ZNRF2: variants seen among roughly 807,000 people sequenced by gnomAD.
ZNRF2 encodes the protein zinc and ring finger 2.
A neutral mutation model predicts 20.4 loss-of-function variants in ZNRF2; 16 were observed. The ratio of observed to expected loss-of-function variants is 0.79; its 90% CI spans 0.53 to 1.19. The LOEUF is 1.19. Among genes scored for constraint, ZNRF2 ranks in the 50% most tolerant of loss-of-function variants. The probability of loss-of-function intolerance (pLI) is 0.00; values close to 1 mark genes in which losing one functional copy is unlikely to be tolerated. For synonymous variants in ZNRF2, 178 were observed against 144.9 expected, an observed-to-expected ratio of 1.23 and a Z score of -1.64; for missense variants, 363 against 332.4, an observed-to-expected ratio of 1.09 and a Z score of -0.72.
intron 3 of ZNRF2, 26 bp downstream of exon 3, chr7:30,355,859 G>GT: frequency 1.9e-6 from 3 of 1,553,950 alleles, no homozygotes; most frequent in Non-Finnish European, 2.7e-6. Flanking sequence ...TGGTATTAGA[G>GT]TAAAAGATTG....
chr7:30,363,282 T>C (rs1230768378), intron 4 of ZNRF2, among the ~76,000 whole-genome samples: 1 of 152,196 alleles, frequency 6.6e-6, no homozygotes, highest in African/African-American at 2.4e-5. Context: ...TATTATCATG[T>C]GCCAGGTGTT....
chr7:30,337,246 T>TA (rs1480802364), intron 2 of ZNRF2, among the ~76,000 whole-genome samples: 3 of 152,236 alleles, frequency 2.0e-5, no homozygotes, highest in Non-Finnish European at 4.4e-5. Flanking sequence ...GTAAGGCTTT[T>TA]AGCCTTATAT....
At position 30,291,959 on chromosome 7, in the gene ZNRF2, A is replaced by G. The variant is rs569323651; in HGVS notation, c.469+6133A>G. On this transcript the variant is annotated intron_variant, in intron 1 of 4. Coordinates refer to ENST00000323037, the MANE Select transcript of ZNRF2 (RefSeq NM_147128.4). ...AAACCTGGGTTTTTTTTTAATTATA[A>G]AAATAATACCTGTTCACTAGAGAAA... Among the ~76,000 whole-genome samples, 3 of 152,286 alleles carry G rather than the reference A, an allele frequency of 2.0e-5. No individual in the cohort carries two copies. In the South Asian group the frequency reaches 6.2e-4, roughly 32 times the overall value.
At chr7:30,297,074 C>A (rs1799031665) in intron 1 of ZNRF2, among the ~76,000 whole-genome samples, 1 of 152,144 alleles carries the variant, frequency 6.6e-6, no homozygotes. Context: ...CACTTGGCTG[C>A]TTTTCTTTTC....
intron 1 of ZNRF2, among the ~76,000 whole-genome samples, chr7:30,310,342 T>G (rs1799272792): frequency 6.6e-6 from 1 of 152,230 alleles, no homozygotes; most frequent in South Asian, 2.1e-4. Flanking sequence ...TTTTCTTTCC[T>G]CTTTTGAAAC....
intron 2 of ZNRF2, among the ~76,000 whole-genome samples, chr7:30,338,238 AATT>A (rs1407194974): frequency 6.6e-6 from 1 of 150,876 alleles, no homozygotes; most frequent in Non-Finnish European, 1.5e-5. Flanking sequence ...TATTTTTGGT[AATT>A]ATTTGCCAGA....
At chr7:30,350,654 A>G (rs903708200) in intron 2 of ZNRF2, among the ~76,000 whole-genome samples, 1 of 152,064 alleles carries the variant, frequency 6.6e-6, no homozygotes, top group Non-Finnish European at 1.5e-5. Context: ...AGATAACTTA[A>G]TATCTGAAAG....
intron 2 of ZNRF2, among the ~76,000 whole-genome samples, chr7:30,328,914 G>A (rs902154086): frequency 2.6e-5 from 4 of 152,288 alleles, no homozygotes; most frequent in African/African-American, 7.2e-5. Flanking sequence ...GAATGCCACA[G>A]TGAGTATTCA....
intron 1 of ZNRF2, among the ~76,000 whole-genome samples, chr7:30,318,922 G>A (rs1314215153): frequency 6.6e-6 from 1 of 152,030 alleles, no homozygotes; most frequent in Non-Finnish European, 1.5e-5. Context: ...GACGAACCTG[G>A]CCAACATGGC....
At chr7:30,342,057 T>C (rs1263999762) in intron 2 of ZNRF2, among the ~76,000 whole-genome samples, 2 of 151,942 alleles carry the variant, frequency 1.3e-5, no homozygotes, top group Non-Finnish European at 2.9e-5. Flanking sequence ...GCTTTTTTTT[T>C]TTTTTTGCTT....
At chr7:30,289,625 C>G (rs1798860491) in intron 1 of ZNRF2, among the ~76,000 whole-genome samples, 2 of 152,276 alleles carry the variant, frequency 1.3e-5, no homozygotes, top group South Asian at 2.1e-4. Flanking sequence ...CTTGTAATTT[C>G]ATACCTTCGT....
intron 2 of ZNRF2, among the ~76,000 whole-genome samples, chr7:30,328,750 T>G (rs1375094475): frequency 6.6e-6 from 1 of 152,138 alleles, no homozygotes; most frequent in African/African-American, 2.4e-5. Context: ...GAAGAAGAAA[T>G]TGGCTGACTA....
At chr7:30,322,771 C>T (rs984038747) in intron 1 of ZNRF2, among the ~76,000 whole-genome samples, 21 of 152,168 alleles carry the variant, frequency 1.4e-4, no homozygotes, top group African/African-American at 5.1e-4. Flanking sequence ...TTCCAAACAG[C>T]TTAGTGGTGT....
At chr7:30,343,389 A>G (rs1799827029) in intron 2 of ZNRF2, among the ~76,000 whole-genome samples, 1 of 152,142 alleles carries the variant, frequency 6.6e-6, no homozygotes, top group Non-Finnish European at 1.5e-5. Flanking sequence ...TGTTTCAAAA[A>G]AAGGTCTTTA....
At chr7:30,320,562 A>G (rs187080152) in intron 1 of ZNRF2, among the ~76,000 whole-genome samples, 16 of 152,284 alleles carry the variant, frequency 1.1e-4, no homozygotes, top group Non-Finnish European at 1.8e-4. Context: ...TTTCAGGGCT[A>G]GCAATATTCA....
intron 2 of ZNRF2, among the ~76,000 whole-genome samples, chr7:30,338,599 A>G (rs1799752458): frequency 1.3e-5 from 2 of 152,148 alleles, no homozygotes; most frequent in African/African-American, 4.8e-5. Flanking sequence ...TGCAAAGGAC[A>G]TGAAGTCATC....
chr7:30,363,313 A>G (rs1224367281), intron 4 of ZNRF2, among the ~76,000 whole-genome samples: 2 of 152,192 alleles, frequency 1.3e-5, no homozygotes, highest in Non-Finnish European at 2.9e-5. Context: ...TTTTACATCT[A>G]TTAGTAACTT....
intron 1 of ZNRF2, among the ~76,000 whole-genome samples, chr7:30,299,279 C>T (rs562745602): frequency 3.9e-5 from 6 of 152,062 alleles, no homozygotes; most frequent in South Asian, 2.1e-4. Context: ...ATTAGCCGAG[C>T]GTAGTGACGC....
intron 2 of ZNRF2, among the ~76,000 whole-genome samples, chr7:30,338,793 T>C (rs1238289436): frequency 6.6e-6 from 1 of 152,208 alleles, no homozygotes; most frequent in Non-Finnish European, 1.5e-5. Context: ...ATATACCAAG[T>C]AATGGGATTG....
Sources: allele counts gnomAD v4.1 joint callset (sites outside exome capture counted in the v4.1 genomes callset), GRCh38; gene constraint gnomAD v4.1.1; transcripts MANE v1.5; gene names NCBI Gene and HGNC (gene_info 2026-07-23, HGNC 2026-07-21).